Variants in SLMAP observed in about 807,000 individuals in gnomAD.
SLMAP encodes the protein sarcolemma associated protein, also known as sarcolemmal membrane-associated protein.
In SLMAP, 44 loss-of-function variants were observed where a neutral mutation model predicts 128.8. The observed-to-expected ratio is 0.34, with a 90% CI of 0.27 to 0.44. The LOEUF (loss-of-function observed/expected upper bound fraction) is 0.44, where lower values mean the gene tolerates loss of function less well. Among genes scored for constraint, SLMAP ranks in the 20% least tolerant of loss-of-function variants. SLMAP has a pLI of 1.00. For synonymous variants in SLMAP, 327 were observed against 348.8 expected, an observed-to-expected ratio of 0.94 and a Z score of 0.70; for missense variants, 787 against 985.3, an observed-to-expected ratio of 0.80 and a Z score of 2.69.
At chr3:57,796,888 C>A (rs1349250446) in intron 2 of SLMAP, among the ~76,000 whole-genome samples, 1 of 152,020 alleles carries the variant, frequency 6.6e-6, no homozygotes, top group African/African-American at 2.4e-5. Context: ...TTTAAAAATT[C>A]AAGGCAAGGG....
intron 6 of SLMAP, among the ~76,000 whole-genome samples, chr3:57,851,504 G>A (rs1417841123): frequency 3.4e-5 from 5 of 148,728 alleles, no homozygotes; most frequent in South Asian, 4.3e-4. Context: ...ATGGACTTTC[G>A]CTCTGTCACC....
At chr3:57,898,619 TG>T (rs1452054126) in intron 17 of SLMAP, 1 of 152,222 alleles carries the variant, frequency 6.6e-6, no homozygotes, top group African/African-American at 2.4e-5. Context: ...TTGTGATTTT[TG>T]TCAGTCTGTT....
At chr3:57,797,638 A>G (rs1045721111) in intron 2 of SLMAP, among the ~76,000 whole-genome samples, 1 of 152,210 alleles carries the variant, frequency 6.6e-6, no homozygotes, top group Admixed American at 6.5e-5. Context: ...TCTGATTTCA[A>G]TAAGTATTTT....
intron 2 of SLMAP, among the ~76,000 whole-genome samples, chr3:57,826,093 G>A (rs564859529): frequency 1.3e-5 from 2 of 151,840 alleles, no homozygotes; most frequent in East Asian, 1.9e-4. Context: ...TTACTCTAAG[G>A]CATTATTTGT....
At chr3:57,775,054 AT>A (rs1043308093) in intron 2 of SLMAP, among the ~76,000 whole-genome samples, 3 of 146,168 alleles carry the variant, frequency 2.1e-5, no homozygotes, top group Non-Finnish European at 4.5e-5. Context: ...AAAACTTTAT[AT>A]TTTTCTTTTT....
At chr3:57,885,489 G>A (rs1186194055) in intron 14 of SLMAP, among the ~76,000 whole-genome samples, 1 of 146,022 alleles carries the variant, frequency 6.8e-6, no homozygotes, top group Non-Finnish European at 1.5e-5. Flanking sequence ...GTGCGATCTC[G>A]GCTCACCACA....
At chr3:57,833,563 G>A (rs2093464046) in intron 3 of SLMAP, among the ~76,000 whole-genome samples, 1 of 151,896 alleles carries the variant, frequency 6.6e-6, no homozygotes, top group South Asian at 2.1e-4. Flanking sequence ...GGGACTACAG[G>A]TGCATGCCAC....
intron 3 of SLMAP, among the ~76,000 whole-genome samples, chr3:57,840,484 A>G (rs1434544529): frequency 1.3e-5 from 2 of 152,256 alleles, no homozygotes; most frequent in Non-Finnish European, 2.9e-5. Context: ...TTTGAAGAAT[A>G]AAGAGAAATA....
intron 2 of SLMAP, among the ~76,000 whole-genome samples, chr3:57,822,693 T>TA (rs1316364085): frequency 6.6e-6 from 1 of 152,184 alleles, no homozygotes; most frequent in Non-Finnish European, 1.5e-5. Flanking sequence ...TTGGGACCTT[T>TA]AAAAATTGGG....
intron 2 of SLMAP, among the ~76,000 whole-genome samples, chr3:57,773,935 C>T (rs2081349447): frequency 6.6e-6 from 1 of 152,022 alleles, no homozygotes; most frequent in Non-Finnish European, 1.5e-5. Flanking sequence ...GCAGTAAGCT[C>T]ATTTAAATAC....
At chr3:57,826,758 A>G (rs2092955899) in intron 2 of SLMAP, among the ~76,000 whole-genome samples, 1 of 152,132 alleles carries the variant, frequency 6.6e-6, no homozygotes, top group Non-Finnish European at 1.5e-5. Context: ...GAGCCACACC[A>G]TTCCCATTTC....
chr3:57,883,942 T>C (rs1333972026), intron 14 of SLMAP, among the ~76,000 whole-genome samples: 3 of 150,130 alleles, frequency 2.0e-5, no homozygotes, highest in East Asian at 1.9e-4. Context: ...TCTTTCTTTT[T>C]TTTTTTTTTT....
At chr3:57,916,855 T>C (rs1478848626) in intron 21 of SLMAP, 51 bp from the exon 22 acceptor site, 3 of 1,473,006 alleles carry the variant, frequency 2.0e-6, no homozygotes, top group African/African-American at 1.4e-5. Context: ...GACTTCCTTC[T>C]GTGTCCAGTT....
At chr3:57,865,314 T>A in intron 13 of SLMAP, 22 bp downstream of exon 13, 6 of 1,015,278 alleles carry the variant, frequency 5.9e-6, no homozygotes, top group Non-Finnish European at 8.8e-6. Flanking sequence ...AACTTAAATA[T>A]ATATATACTT....
intron 14 of SLMAP, among the ~76,000 whole-genome samples, chr3:57,878,425 T>C (rs1030412143): frequency 6.6e-6 from 1 of 152,224 alleles, no homozygotes; most frequent in Non-Finnish European, 1.5e-5. Flanking sequence ...AGTTTCTTCA[T>C]CATATTTTCT....
At chr3:57,881,696 C>T (rs2095749061) in intron 14 of SLMAP, among the ~76,000 whole-genome samples, 2 of 152,102 alleles carry the variant, frequency 1.3e-5, no homozygotes, top group Admixed American at 6.5e-5. Context: ...CCTCGTGATG[C>T]GCCCACCTCG....
chr3:57,900,680 G>C (rs995184589), intron 17 of SLMAP: 1 of 152,792 alleles, frequency 6.5e-6, no homozygotes, highest in Non-Finnish European at 1.5e-5. Flanking sequence ...GGTGGTGCAT[G>C]CCTATAGTCT....
At chr3:57,775,332 G>T (rs1337872199) in intron 2 of SLMAP, among the ~76,000 whole-genome samples, 1 of 151,612 alleles carries the variant, frequency 6.6e-6, no homozygotes, top group Non-Finnish European at 1.5e-5. Context: ...GTGGGCCACC[G>T]CGCCCGGCGA....
At chr3:57,860,600 T>A in intron 8 of SLMAP, 99 bp from the exon 9 acceptor site, 1 of 858,790 alleles carries the variant, frequency 1.2e-6, no homozygotes, top group Non-Finnish European at 1.7e-6. Context: ...GGTACCTTAA[T>A]ATATAATTTA....
Sources: allele counts gnomAD v4.1 joint callset (sites outside exome capture counted in the v4.1 genomes callset), GRCh38; gene constraint gnomAD v4.1.1; transcripts MANE v1.5; gene names NCBI Gene and HGNC (gene_info 2026-07-23, HGNC 2026-07-21).